LSAMP: variants seen among roughly 807,000 people sequenced by gnomAD.
LSAMP encodes the protein limbic system-associated membrane protein.
In LSAMP, 7 loss-of-function variants were observed where a neutral mutation model predicts 38.6. That is an observed-to-expected ratio of 0.18 (90% CI 0.10 to 0.34). The LOEUF (loss-of-function observed/expected upper bound fraction) is 0.34. LSAMP is among the 10% of genes least tolerant of loss of function. The pLI, the probability that LSAMP is intolerant of heterozygous loss-of-function variation, is 1.00. For missense variants in LSAMP, 313 were observed against 420.0 expected (o/e 0.75, Z 2.23); for synonymous variants, 154 against 166.8 (o/e 0.92, Z 0.59).
chr3:116,290,998 T>G (rs1000055674), intron 1 of LSAMP, among the ~76,000 whole-genome samples: 5 of 152,116 alleles, frequency 3.3e-5, no homozygotes, highest in African/African-American at 9.7e-5. Context: ...TCTCTAAGTT[T>G]ATGCACCCCT....
chr3:116,028,447 G>A (rs76031095), intron 2 of LSAMP, among the ~76,000 whole-genome samples: 53 of 152,222 alleles, frequency 3.5e-4, no homozygotes, highest in African/African-American at 8.7e-4. Context: ...TTGAATCTCC[G>A]TCATCAGGCA....
chr3:115,866,698 G>A (rs1434536569), intron 3 of LSAMP, among the ~76,000 whole-genome samples: 1 of 152,024 alleles, frequency 6.6e-6, no homozygotes, highest in East Asian at 1.9e-4. Flanking sequence ...GGTTTGCAAA[G>A]TTACATTCAA....
intron 3 of LSAMP, among the ~76,000 whole-genome samples, chr3:115,918,545 T>C (rs1389106366): frequency 3.3e-5 from 5 of 152,234 alleles, no homozygotes; most frequent in Admixed American, 1.3e-4. Flanking sequence ...ATGGCTGTGA[T>C]GGAAAGCACA....
chr3:116,300,630 A>T (rs1389428629), intron 1 of LSAMP, among the ~76,000 whole-genome samples: 1 of 152,150 alleles, frequency 6.6e-6, no homozygotes, highest in Non-Finnish European at 1.5e-5. Flanking sequence ...TCTAGGTTGC[A>T]TGCTTCTTAT....
chr3:116,397,972 T>A (rs2048790756), intron 1 of LSAMP, among the ~76,000 whole-genome samples: 2 of 151,952 alleles, frequency 1.3e-5, no homozygotes, highest in South Asian at 4.1e-4. Flanking sequence ...TGTAGATTTT[T>A]CTCATGCTGT....
chr3:116,397,392 C>A (rs529026311), intron 1 of LSAMP, among the ~76,000 whole-genome samples: 3 of 145,152 alleles, frequency 2.1e-5, no homozygotes, highest in South Asian at 2.4e-4. Context: ...ACCCGCCCCC[C>A]CCCCACACAC....
chr3:116,352,286 T>G (rs2048152245), intron 1 of LSAMP, among the ~76,000 whole-genome samples: 1 of 152,050 alleles, frequency 6.6e-6, no homozygotes, highest in Non-Finnish European at 1.5e-5. Flanking sequence ...AGAGCAAAGT[T>G]CTAAAGTACA....
chr3:116,228,383 CAG>C (rs2046365256), intron 1 of LSAMP, among the ~76,000 whole-genome samples: 1 of 152,060 alleles, frequency 6.6e-6, no homozygotes, highest in South Asian at 2.1e-4. Flanking sequence ...TGAAATCTGA[CAG>C]ACTTAGGTTT....
rs115088952 is a variant in LSAMP at position 116,388,517 on chromosome 3, C to T, written c.155+56360G>A. Among the ~76,000 whole-genome samples, 716 of 152,154 alleles carry T rather than the reference C, an allele frequency of 4.7e-3. 7 individuals are homozygous for T. The highest frequency in any genetic ancestry group is 0.016 in the African/African-American group (654 of 41,498). ...ATGAACATAAGGGCTCTAAAACGCA[C>T]GAAAATATTTTACTAAATGCCAACA... On this transcript the variant is annotated intron_variant, in intron 1 of 6. Coordinates refer to ENST00000490035, the MANE Select transcript of LSAMP (RefSeq NM_002338.5).
intron 3 of LSAMP, among the ~76,000 whole-genome samples, chr3:115,859,898 C>G (rs1483140896): frequency 6.6e-6 from 1 of 152,174 alleles, no homozygotes. Flanking sequence ...AACCATTACC[C>G]CCTACTTGGT....
chr3:116,013,009 G>A (rs918362311), intron 3 of LSAMP, among the ~76,000 whole-genome samples: 4 of 152,176 alleles, frequency 2.6e-5, no homozygotes, highest in Admixed American at 6.6e-5. Flanking sequence ...ACTAGGCCAC[G>A]TACAAAGTTT....
chr3:116,302,751 A>AAAT (rs1220175888), intron 1 of LSAMP, among the ~76,000 whole-genome samples: 2 of 152,332 alleles, frequency 1.3e-5, no homozygotes, highest in African/African-American at 4.8e-5. Flanking sequence ...AGTAGAAGAC[A>AAAT]AATAACATGA....
intron 1 of LSAMP, among the ~76,000 whole-genome samples, chr3:116,339,674 A>T (rs994425813): frequency 2.0e-5 from 3 of 151,912 alleles, no homozygotes; most frequent in Non-Finnish European, 2.9e-5. Context: ...TTTCTGCCTG[A>T]TTTTCTCAAA....
chr3:116,033,119 G>T (rs1022934512), intron 2 of LSAMP, among the ~76,000 whole-genome samples: 1 of 152,126 alleles, frequency 6.6e-6, no homozygotes, highest in East Asian at 1.9e-4. Context: ...AACTTGAAAA[G>T]CTTGAACAAT....
chr3:116,038,448 G>T (rs963631136), intron 2 of LSAMP, among the ~76,000 whole-genome samples: 2 of 152,112 alleles, frequency 1.3e-5, no homozygotes, highest in Non-Finnish European at 2.9e-5. Context: ...ATACACTTTT[G>T]GGAGGTAACA....
chr3:116,250,609 C>G (rs1056808612), intron 1 of LSAMP, among the ~76,000 whole-genome samples: 1 of 151,988 alleles, frequency 6.6e-6, no homozygotes, highest in African/African-American at 2.4e-5. Context: ...GGCCTGTAAT[C>G]CCAGCACTTA....
At chr3:116,282,825 G>C (rs1192889393) in intron 1 of LSAMP, among the ~76,000 whole-genome samples, 1 of 151,266 alleles carries the variant, frequency 6.6e-6, no homozygotes, top group African/African-American at 2.4e-5. Flanking sequence ...CTAAACAGAA[G>C]CTGATGTCTT....
intron 1 of LSAMP, among the ~76,000 whole-genome samples, chr3:116,329,987 T>C (rs2047826884): frequency 6.6e-6 from 1 of 152,222 alleles, no homozygotes; most frequent in African/African-American, 2.4e-5. Flanking sequence ...CTACTTACTA[T>C]GTCTCTTTTC....
intron 1 of LSAMP, among the ~76,000 whole-genome samples, chr3:116,400,135 T>C (rs990016196): frequency 2.0e-5 from 3 of 152,188 alleles, no homozygotes; most frequent in Admixed American, 2.0e-4. Flanking sequence ...TTCTCTCATA[T>C]ATACCAGGAG....
Sources: allele counts gnomAD v4.1 joint callset (sites outside exome capture counted in the v4.1 genomes callset), GRCh38; gene constraint gnomAD v4.1.1; transcripts MANE v1.5; gene names NCBI Gene and HGNC (gene_info 2026-07-23, HGNC 2026-07-21).